BIRC5: variants seen among roughly 807,000 people sequenced by gnomAD.
The protein encoded by BIRC5 is baculoviral IAP repeat-containing protein 5.
In BIRC5, 8 loss-of-function variants were observed where a neutral mutation model predicts 15.8. That is an observed-to-expected ratio of 0.51 (90% CI 0.30 to 0.91). The LOEUF (loss-of-function observed/expected upper bound fraction) is 0.91, where lower values mean the gene tolerates loss of function less well. Among genes scored for constraint, BIRC5 ranks in the 40% least tolerant of loss-of-function variants. The pLI, the probability that BIRC5 is intolerant of heterozygous loss-of-function variation, is 0.07. For synonymous variants in BIRC5, 56 were observed against 64.5 expected, an observed-to-expected ratio of 0.87 and a Z score of 0.63; for missense variants, 163 against 178.6, an observed-to-expected ratio of 0.91 and a Z score of 0.50.
In BIRC5 at chr17:78,214,367, C is replaced by G; in HGVS notation, c.51C>G (p.His17Gln). Residue 17 changes from histidine to glutamine, a missense_variant, in exon 1 of 4, where the codon CAC becomes CAG. His to Gln is a conservative substitution (Grantham distance 24). Transcript: ENST00000350051. ...PPAWQPFLKD[H>Q]RISTFKNWPF... ...CCTGGCAGCCCTTTCTCAAGGACCA[C>G]CGCATCTCTACATTCAAGAACTGGC... 6.2e-7 allele frequency: 1 copy of G among 1,608,372 alleles called. No individual in the cohort carries two copies. The highest frequency in any genetic ancestry group is 8.5e-7 in the Non-Finnish European group (1 of 1,177,760).
chr17:78,214,778 TGAC>T lies in BIRC5; in HGVS notation c.214_216del (p.Asp72del). The T allele has an allele frequency of 6.2e-7, 1 of 1,612,800 alleles. No individual in the cohort carries two copies. Among genetic ancestry groups the T allele is most frequent in the Non-Finnish European group, 8.5e-7 (1 of 1,179,442 alleles). On this transcript the variant is annotated inframe_deletion, in exon 2 of 4. Coordinates refer to ENST00000350051, the MANE Select transcript of BIRC5 (RefSeq NM_001168.3). ...AGGAGCTGGAAGGCTGGGAGCCAGA[TGAC>T]GACCCCATGTAAGTCTTCTCTGGCC...
At chr17:78,221,586 C>T (rs1365385215) in intron 3 of BIRC5, among the ~76,000 whole-genome samples, 2 of 152,170 alleles carry the variant, frequency 1.3e-5, no homozygotes, top group Non-Finnish European at 2.9e-5. Flanking sequence ...GGATTACAAA[C>T]CCAAACCCAA....
At chr17:78,216,802 C>A in intron 3 of BIRC5, 21 bp downstream of exon 3, 2 of 1,569,620 alleles carry the variant, frequency 1.3e-6, no homozygotes, top group Non-Finnish European at 1.8e-6. Context: ...GGAATAAGAA[C>A]TGCTCAAACC....
Position 78,224,942 on chromosome 17 carries a change from C to G in BIRC5, c.*1388C>G, listed in dbSNP as rs996857526. The G allele has an allele frequency of 6.6e-6, 1 of 152,204 alleles. No individual in the cohort carries two copies. Among genetic ancestry groups the G allele is most frequent in the Non-Finnish European group, 1.5e-5 (1 of 68,052 alleles). 9.4% of individuals were successfully genotyped at this position (152,204 alleles called of 1,614,324 possible). A position where few individuals can be genotyped will look rare whatever the true frequency, so the allele number is the denominator to read the frequency against. On this transcript the variant is annotated 3_prime_UTR_variant, in exon 4 of 4. Transcript: ENST00000350051. The stretch of plus-strand genomic sequence containing the variant: ...CCACTTATTTCTGCCACATCTGAGT[C>G]GGCCTGAGATAGACTTTTCCCTCTA...
chr17:78,219,403 T>TTAG (rs2076501161), intron 3 of BIRC5, among the ~76,000 whole-genome samples: 1 of 152,192 alleles, frequency 6.6e-6, no homozygotes, highest in Non-Finnish European at 1.5e-5. Flanking sequence ...TAAGCTGGTC[T>TTAG]CGAACTCCTG....
In BIRC5 at chr17:78,225,121, TG is replaced by T. The variant is rs1231156897; in HGVS notation, c.*1569del. On this transcript the variant is annotated 3_prime_UTR_variant, in exon 4 of 4. Transcript: ENST00000350051. ...TTAGTAATTGGCTTTGTAGAGAAGC[TG>T]GAAAAAAATGGTTTTGTCTTCAACT... The T allele has an allele frequency of 2.0e-5, 3 of 152,204 alleles. No individual in the cohort carries two copies. The highest frequency in any genetic ancestry group is 1.3e-4 in the Admixed American group (2 of 15,274). The allele number at this position is 152,204 out of a possible 1,614,324, so 9.4% of individuals were successfully genotyped here.
At position 78,223,442 on chromosome 17, in the gene BIRC5, A is replaced by G. The variant is rs75349024; in HGVS notation, c.340-23A>G. 2,488 of 1,563,434 alleles carry G rather than the reference A, an allele frequency of 1.6e-3. 24 individuals carry two copies. The African/African-American group carries it at 0.025, about 16-fold the overall frequency. On this transcript the variant is annotated intron_variant, in intron 3 of 3. Transcript: ENST00000350051. ...ACTGGGAAGCTCTGGTTTCAGTGTC[A>G]TGTGTCTATTCTTTATTTCCAGGCA...
intron 3 of BIRC5, among the ~76,000 whole-genome samples, chr17:78,220,732 GT>G (rs1048621854): frequency 6.6e-6 from 1 of 151,510 alleles, no homozygotes; most frequent in Non-Finnish European, 1.5e-5. Context: ...TTTTTTTGTT[GT>G]TTTTTTGAGA....
chr17:78,220,630 G>GT (rs1052979742), intron 3 of BIRC5, among the ~76,000 whole-genome samples: 5 of 151,740 alleles, frequency 3.3e-5, no homozygotes, highest in Admixed American at 6.6e-5. Flanking sequence ...ATTTTGAACT[G>GT]TTTTTTTTGT....
intron 3 of BIRC5, among the ~76,000 whole-genome samples, chr17:78,220,172 T>C (rs2076505341): frequency 6.6e-6 from 1 of 152,194 alleles, no homozygotes; most frequent in Non-Finnish European, 1.5e-5. Context: ...CTCACGCCTG[T>C]AATCCCAGCA....
At chr17:78,217,111 C>G (rs1370722061) in intron 3 of BIRC5, among the ~76,000 whole-genome samples, 3 of 151,644 alleles carry the variant, frequency 2.0e-5, no homozygotes, top group Admixed American at 2.0e-4. Context: ...AACTCCTGAC[C>G]TCGTGATTCG....
intron 2 of BIRC5, among the ~76,000 whole-genome samples, chr17:78,215,443 A>G (rs138534512): frequency 1.3e-5 from 2 of 151,764 alleles, no homozygotes; most frequent in African/African-American, 4.8e-5. Context: ...AAAAAAAAAA[A>G]GAAAGAAAGC....
At chr17:78,217,767 GA>G (rs1244662922) in intron 3 of BIRC5, among the ~76,000 whole-genome samples, 2 of 152,058 alleles carry the variant, frequency 1.3e-5, no homozygotes, top group African/African-American at 4.8e-5. Context: ...AAAGTGCTGG[GA>G]TTACAGGTGT....
At chr17:78,214,643 T>G in intron 1 of BIRC5, 37 bp from the exon 2 acceptor site, 1 of 1,541,796 alleles carries the variant, frequency 6.5e-7, no homozygotes, top group Non-Finnish European at 8.8e-7. Flanking sequence ...GGTTCCGGGC[T>G]GCCACGTCCA....
chr17:78,219,934 A>T (rs1448030939), intron 3 of BIRC5, among the ~76,000 whole-genome samples: 1 of 152,162 alleles, frequency 6.6e-6, no homozygotes, highest in Non-Finnish European at 1.5e-5. Flanking sequence ...TGTGAGCTGG[A>T]AACCAGGTCC....
intron 2 of BIRC5, chr17:78,215,896 G>A (rs2076473870): frequency 4.7e-6 from 5 of 1,065,236 alleles, no homozygotes; most frequent in Non-Finnish European, 4.6e-6. Flanking sequence ...CAGAAAATGA[G>A]AGTGTGAGCT....
chr17:78,220,895 A>G (rs2076510877), intron 3 of BIRC5, among the ~76,000 whole-genome samples: 1 of 151,986 alleles, frequency 6.6e-6, no homozygotes, highest in Non-Finnish European at 1.5e-5. Flanking sequence ...AATCCTGAAG[A>G]CAAGGATGCT....
At chr17:78,220,152 G>T (rs1411451711) in intron 3 of BIRC5, among the ~76,000 whole-genome samples, 1 of 152,180 alleles carries the variant, frequency 6.6e-6, no homozygotes, top group Non-Finnish European at 1.5e-5. Flanking sequence ...TTCAGGGCCG[G>T]GCATGGTGGC....
At chr17:78,215,830 A>C in intron 2 of BIRC5, 2 of 991,730 alleles carry the variant, frequency 2.0e-6, no homozygotes, top group South Asian at 7.4e-5. Context: ...CCATGTTTTC[A>C]TTGTAATGCA....
Sources: gnomAD v4.1 joint callset for allele counts (sites outside exome capture counted in the v4.1 genomes callset) on GRCh38, gnomAD v4.1.1 for gene constraint, MANE v1.5 for transcripts, NCBI Gene and HGNC (gene_info 2026-07-23, HGNC 2026-07-21) for gene names.